Variants in MAGEB10 observed in about 807,000 individuals in gnomAD.
MAGEB10 encodes melanoma-associated antigen B10.
For missense variants in MAGEB10, 190 were observed against 261.9 expected (o/e 0.73, Z 1.89); for synonymous variants, 99 against 101.0 (o/e 0.98, Z 0.12).
At position 27,817,606 on chromosome X, in the gene MAGEB10, C is replaced by G. The variant is rs1278115467; in HGVS notation, c.-146C>G. The G allele has an allele frequency of 9.1e-6, 1 of 110,166 alleles. No individual in the cohort carries two copies. Among genetic ancestry groups the G allele is most frequent in the Non-Finnish European group, 1.9e-5 (1 of 52,875 alleles). The allele number at this position is 110,166 out of a possible 1,213,427, so 9.1% of individuals were successfully genotyped here. A position where few individuals can be genotyped will look rare whatever the true frequency, so the allele number is the denominator to read the frequency against. On this transcript the variant is annotated 5_prime_UTR_variant, in exon 2 of 3. Transcript: ENST00000356790. ...CTGGAGTGCAGTGGTGTGATCATAA[C>G]TCAGTATAGCCTAGAACTCCTGAGC...
At chrX:27,814,657 TC>T (rs1352741667) in intron 1 of MAGEB10, among the ~76,000 whole-genome samples, 5 of 111,709 alleles carry the variant, frequency 4.5e-5, no homozygotes, top group Non-Finnish European at 7.5e-5. Flanking sequence ...TAGGCACTTT[TC>T]CCAGAGTTTT....
At chrX:27,809,167 C>T (rs1923605019) in intron 1 of MAGEB10, among the ~76,000 whole-genome samples, 1 of 111,392 alleles carries the variant, frequency 9.0e-6, no homozygotes, top group Admixed American at 9.4e-5. Flanking sequence ...ACCAGGGCTG[C>T]ACGTGGTGCT....
At chrX:27,820,788 G>T (rs1286284330) in intron 2 of MAGEB10, among the ~76,000 whole-genome samples, 1 of 110,934 alleles carries the variant, frequency 9.0e-6, no homozygotes, top group Non-Finnish European at 1.9e-5. Context: ...GAATATAGAA[G>T]GTCCCTCAGA....
At chrX:27,813,459 ACTTGGGCATCTGTT>A (rs1200575763) in intron 1 of MAGEB10, among the ~76,000 whole-genome samples, 2 of 112,181 alleles carry the variant, frequency 1.8e-5, no homozygotes, top group Non-Finnish European at 1.9e-5. Context: ...CTCAAACATT[ACTTGGGCATCTGTT>A]CTTTGGAGGG....
chrX:27,821,426 C>G lies in MAGEB10; in HGVS notation c.120C>G (p.Pro40=). Residue 40 remains proline (P), a synonymous_variant, in exon 3 of 3, where the codon CCC becomes CCG. Transcript: ENST00000356790. ...TAGAAGAGGAGGAAGAATCTCCCCC[C>G]TCTGCCTCTGCTTGTTTGAAGGATG... ...DILEEEEESP[P]SASACLKDVF... is the part of the protein sequence containing the mutation. The G allele has an allele frequency of 8.3e-7, 1 of 1,211,330 alleles. No homozygotes were observed. The highest frequency in any genetic ancestry group is 1.1e-6 in the Non-Finnish European group (1 of 895,292).
intron 2 of MAGEB10, among the ~76,000 whole-genome samples, chrX:27,819,079 A>G (rs1279789345): frequency 9.0e-6 from 1 of 110,796 alleles, no homozygotes; most frequent in African/African-American, 3.3e-5. Context: ...TAACATTTCT[A>G]AGCCAATGCC....
In MAGEB10 at chrX:27,821,255, C is replaced by T. The variant is rs1172274130; in HGVS notation, c.-49-3C>T. 2.8e-6 allele frequency: 3 copies of T among 1,061,506 alleles called. No individual in the cohort carries two copies. The highest frequency in any genetic ancestry group is 3.9e-6 in the Non-Finnish European group (3 of 773,288). The allele number at this position is 1,061,506 out of a possible 1,213,427, so 87.5% of individuals were successfully genotyped here. ...ACACCCCATTTCATCTTCTCTTCTC[C>T]AGGTCACGGGATCACCTGCCTTTTT... On this transcript the variant is annotated splice_region_variant and splice_polypyrimidine_tract_variant and intron_variant, in intron 2 of 2. Coordinates refer to ENST00000356790, the MANE Select transcript of MAGEB10 (RefSeq NM_182506.3).
intron 2 of MAGEB10, among the ~76,000 whole-genome samples, 162 bp from the exon 3 acceptor site, chrX:27,821,096 G>A (rs1923876065): frequency 8.9e-6 from 1 of 111,960 alleles, no homozygotes; most frequent in Non-Finnish European, 1.9e-5. Flanking sequence ...ACACATCCTA[G>A]TTATTTCACA....
At chrX:27,812,244 C>T in intron 1 of MAGEB10, 1 of 159,973 alleles carries the variant, frequency 6.3e-6, no homozygotes, top group Non-Finnish European at 1.3e-5. Flanking sequence ...GGTGCATTAC[C>T]TGCTGTACAA....
intron 2 of MAGEB10, among the ~76,000 whole-genome samples, chrX:27,818,728 T>A (rs889404977): frequency 1.1e-4 from 12 of 111,914 alleles, no homozygotes; most frequent in Non-Finnish European, 1.9e-4. Context: ...CCATTGCAGA[T>A]GCTGCAGCTC....
In MAGEB10 at chrX:27,814,436, C is replaced by T. The variant is rs141538192; in HGVS notation, c.-198-3118C>T. Among the ~76,000 whole-genome samples, 537 of 111,184 alleles carry T rather than the reference C, an allele frequency of 4.8e-3. 2 individuals are homozygous for T. Among genetic ancestry groups the T allele is most frequent in the African/African-American group, 0.016 (497 of 30,529 alleles). ...CAACTGGGGAAGACTACCCCACACC[C>T]GCAATAAATAAGAAATCCTCAAATT... On this transcript the variant is annotated intron_variant, in intron 1 of 2. Transcript: ENST00000356790.
intron 1 of MAGEB10, among the ~76,000 whole-genome samples, chrX:27,813,165 GAAA>G (rs997484628): frequency 9.0e-5 from 10 of 111,707 alleles, no homozygotes; most frequent in African/African-American, 2.9e-4. Flanking sequence ...CTATTTTATA[GAAA>G]AAAATGGGAA....
chrX:27,810,316 C>T (rs1247377955), intron 1 of MAGEB10, among the ~76,000 whole-genome samples: 1 of 111,665 alleles, frequency 9.0e-6, no homozygotes, highest in African/African-American at 3.3e-5. Context: ...GAAGAAGCTC[C>T]GAACACATCC....
chrX:27,814,891 T>G (rs907572940), intron 1 of MAGEB10, among the ~76,000 whole-genome samples: 10 of 112,436 alleles, frequency 8.9e-5, no homozygotes, highest in Admixed American at 2.8e-4. Context: ...TTCTCACTAC[T>G]GCACTGTGTC....
rs1374450487 is a variant in MAGEB10 at position 27,822,608 on chromosome X, A to T, written c.*258A>T. ...AGCGATTTATTGCTTTATAAGTCTA[A>T]TTGGGAAACTCTCCATTTATTTAGT... On this transcript the variant is annotated 3_prime_UTR_variant, in exon 3 of 3. Coordinates refer to ENST00000356790, the MANE Select transcript of MAGEB10 (RefSeq NM_182506.3). 1.2e-5 allele frequency: 4 copies of T among 346,887 alleles called. No individual in the cohort carries two copies. Among genetic ancestry groups the T allele is most frequent in the Non-Finnish European group, 2.0e-5 (4 of 195,769 alleles). The allele number at this position is 346,887 out of a possible 1,213,427, so 28.6% of individuals were successfully genotyped here. A position where few individuals can be genotyped will look rare whatever the true frequency, so the allele number is the denominator to read the frequency against.
chrX:27,812,952 T>C, intron 1 of MAGEB10: 1 of 169,452 alleles, frequency 5.9e-6, no homozygotes, highest in Non-Finnish European at 1.2e-5. Context: ...TTACTGTGTT[T>C]TTGAAGAGGA....
intron 1 of MAGEB10, among the ~76,000 whole-genome samples, chrX:27,815,874 T>C (rs1016990972): frequency 8.9e-6 from 1 of 112,004 alleles, no homozygotes; most frequent in Non-Finnish European, 1.9e-5. Context: ...TGTCAAAGCC[T>C]GGCTTCTTAT....
chrX:27,809,338 G>A (rs1446089417), intron 1 of MAGEB10, among the ~76,000 whole-genome samples: 5 of 100,005 alleles, frequency 5.0e-5, no homozygotes, highest in African/African-American at 1.8e-4. Flanking sequence ...CCGTGGGGCA[G>A]GGCTCAGGAC....
At chrX:27,820,004 T>C (rs1217449571) in intron 2 of MAGEB10, among the ~76,000 whole-genome samples, 1 of 110,914 alleles carries the variant, frequency 9.0e-6, no homozygotes, top group Non-Finnish European at 1.9e-5. Context: ...AAACCTCTTA[T>C]ATAGCACCCT....
Sources: allele counts gnomAD v4.1 joint callset (sites outside exome capture counted in the v4.1 genomes callset), GRCh38; gene constraint gnomAD v4.1.1; transcripts MANE v1.5; gene names NCBI Gene and HGNC (gene_info 2026-07-23, HGNC 2026-07-21).